IL16: variants seen among roughly 807,000 people sequenced by gnomAD.
The protein encoded by IL16 is interleukin 16.
Under a neutral mutation model 110.1 loss-of-function variants are expected in IL16, and 67 were observed. That is an observed-to-expected ratio of 0.61 (90% CI 0.50 to 0.75). The LOEUF (loss-of-function observed/expected upper bound fraction) is 0.75, where lower values mean the gene tolerates loss of function less well. Among genes scored for constraint, IL16 ranks in the 30% least tolerant of loss-of-function variants. The pLI, the probability that IL16 is intolerant of heterozygous loss-of-function variation, is 0.00. For missense variants in IL16, 1,545 were observed against 1,655.0 expected, an observed-to-expected ratio of 0.93 and a Z score of 1.15; for synonymous variants, 689 against 662.9, an observed-to-expected ratio of 1.04 and a Z score of -0.61.
intron 1 of IL16, among the ~76,000 whole-genome samples, chr15:81,204,556 C>T (rs1276137175): frequency 1.3e-5 from 2 of 152,006 alleles, no homozygotes; most frequent in Non-Finnish European, 2.9e-5. Context: ...TTCTCAAAGG[C>T]CTTTTCTGCA....
chr15:81,223,720 C>G lies in IL16; in HGVS notation c.-101-1579C>G, dbSNP rs547316987. 2.2e-4 allele frequency among the ~76,000 whole-genome samples: 34 copies of G among 152,336 alleles called. No individual in the cohort carries two copies. The South Asian group carries it at 5.8e-3, about 26-fold the overall frequency. On this transcript the variant is annotated intron_variant, in intron 1 of 18. Coordinates refer to ENST00000683961, the MANE Select transcript of IL16 (RefSeq NM_172217.5). Reference sequence around the variant, plus strand: ...ACAGACATTGTTGGAAATGTGTTATCAAGCTGATTACTGAAACAGTACTAC... The same window carrying G: ...ACAGACATTGTTGGAAATGTGTTATGAAGCTGATTACTGAAACAGTACTAC...
rs769634668 is a variant in IL16 at position 81,289,841 on chromosome 15, A to G, written c.1333-612A>G. ...TTTCCTGTACTTTTGATGTCAAATA[A>G]TTTATTTTTAAAAAACCTGTCCTCA... On this transcript the variant is annotated intron_variant, in intron 10 of 18. Transcript: ENST00000683961. 5.8e-5 allele frequency: 24 copies of G among 413,304 alleles called. 1 individual carries two copies. The highest frequency in any genetic ancestry group is 9.9e-5 in the Non-Finnish European group (21 of 211,956). The allele number at this position is 413,304 out of a possible 1,614,324, so 25.6% of individuals were successfully genotyped here. A position where few individuals can be genotyped will look rare whatever the true frequency, so the allele number is the denominator to read the frequency against.
chr15:81,287,213 A>G lies in IL16; in HGVS notation c.1332+1383A>G, dbSNP rs891964976. ...GAGGGAGGAACCGAAGATATCTCGA[A>G]TATTTTTAGATTGGAAGACTGAGCA... On this transcript the variant is annotated intron_variant, in intron 10 of 18. Coordinates refer to ENST00000683961, the MANE Select transcript of IL16 (RefSeq NM_172217.5). Among the ~76,000 whole-genome samples, 3 of 152,204 alleles carry G rather than the reference A, an allele frequency of 2.0e-5. No homozygotes were observed. In the South Asian group the frequency reaches 6.2e-4, roughly 31 times the overall value.
chr15:81,285,306 T>G (rs962512939), intron 9 of IL16, among the ~76,000 whole-genome samples: 1 of 152,220 alleles, frequency 6.6e-6, no homozygotes, highest in African/African-American at 2.4e-5. Context: ...AGTCTACTTA[T>G]GGGAACACAG....
intron 1 of IL16, among the ~76,000 whole-genome samples, chr15:81,183,065 A>G (rs8028155): frequency 0.065 from 9,420 of 145,110 alleles, 796 homozygotes; most frequent in African/African-American, 0.23. Context: ...GCACACGTGT[A>G]AGTGTGTGCA....
chr15:81,249,856 A>G (rs1414841473), intron 2 of IL16, among the ~76,000 whole-genome samples: 2 of 151,756 alleles, frequency 1.3e-5, no homozygotes, highest in African/African-American at 2.4e-5. Context: ...CCTCTCTTTT[A>G]TGTTTTCTTT....
rs961958015 is a variant in IL16, at chr15:81,263,538, G to A, written c.422-2121G>A. ...GTGGGCCGAAGTGGGCACAGAAATCGACCCCAGACCAGGGAGAGTTTTGGA... is the reference window on the plus strand; with the variant it reads ...GTGGGCCGAAGTGGGCACAGAAATCAACCCCAGACCAGGGAGAGTTTTGGA... On this transcript the variant is annotated intron_variant, in intron 3 of 18. Transcript: ENST00000683961. Among the ~76,000 whole-genome samples, 68 of 152,048 alleles carry A rather than the reference G, an allele frequency of 4.5e-4. 1 individual carries two copies. The highest frequency in any genetic ancestry group is 1.4e-3 in the African/African-American group (58 of 41,386).
intron 12 of IL16, 45 bp downstream of exon 12, chr15:81,293,082 C>A: frequency 6.5e-7 from 1 of 1,545,640 alleles, no homozygotes; most frequent in South Asian, 1.2e-5. Flanking sequence ...GGACCAGACT[C>A]AAATCTTGAG....
chr15:81,248,719 C>CTTTTTT (rs61480285), intron 2 of IL16, among the ~76,000 whole-genome samples: 41 of 112,216 alleles, frequency 3.7e-4, no homozygotes, highest in African/African-American at 6.5e-4. Flanking sequence ...TTCTTTCTTT[C>CTTTTTT]TTTTTTTTTT....
chr15:81,259,903 T>G, intron 3 of IL16, 23 bp downstream of exon 3: 1 of 1,419,192 alleles, frequency 7.0e-7, no homozygotes, highest in Non-Finnish European at 1.0e-6. Context: ...CCAACATGTC[T>G]TCAGGAACAG....
intron 2 of IL16, among the ~76,000 whole-genome samples, chr15:81,236,533 T>C (rs967990844): frequency 1.4e-4 from 22 of 152,226 alleles, no homozygotes. Context: ...TGATTTCTAG[T>C]TGCTGTTTTT....
At chr15:81,231,321 TCTG>T (rs1896966126) in intron 2 of IL16, among the ~76,000 whole-genome samples, 1 of 137,854 alleles carries the variant, frequency 7.3e-6, no homozygotes, top group African/African-American at 3.0e-5. Context: ...CCAAGGTCGG[TCTG>T]TCTCTCTCTC....
At chr15:81,223,132 G>T (rs12437819) in intron 1 of IL16, among the ~76,000 whole-genome samples, 20,971 of 152,102 alleles carry the variant, frequency 0.14, 1,895 homozygotes, top group East Asian at 0.37. Flanking sequence ...TAACCAAGCA[G>T]ATTTGGCCTC....
intron 2 of IL16, among the ~76,000 whole-genome samples, chr15:81,239,260 C>A (rs1000690330): frequency 2.0e-5 from 3 of 152,144 alleles, no homozygotes; most frequent in Non-Finnish European, 2.9e-5. Context: ...TAGTAGGCAG[C>A]CACTCTGTTT....
chr15:81,209,533 CT>C (rs955555864), intron 1 of IL16, among the ~76,000 whole-genome samples: 2 of 151,834 alleles, frequency 1.3e-5, no homozygotes, highest in East Asian at 1.9e-4. Context: ...CTCTCTTGTT[CT>C]TTTTTTTAAG....
intron 4 of IL16, among the ~76,000 whole-genome samples, chr15:81,268,792 A>G (rs1194142960): frequency 6.6e-6 from 1 of 152,218 alleles, no homozygotes; most frequent in Non-Finnish European, 1.5e-5. Context: ...CATTTTAAGC[A>G]CTCGCATAGA....
In IL16 at chr15:81,200,786, CA is replaced by C. The variant is rs1460673712; in HGVS notation, c.-102+3639del. ...CTGAAATATTCCTGATCTTCTCTTT[CA>C]AAAAGATGGCCTTCTTCCCATTATC... On this transcript the variant is annotated intron_variant, in intron 1 of 18. Transcript: ENST00000683961. Among the ~76,000 whole-genome samples the C allele has an allele frequency of 2.6e-5, 4 of 152,168 alleles. No homozygotes were observed. The East Asian group carries it at 7.7e-4, about 29-fold the overall frequency.
At chr15:81,189,396 T>C (rs568307551) in intron 1 of IL16, among the ~76,000 whole-genome samples, 44 of 152,282 alleles carry the variant, frequency 2.9e-4, no homozygotes, top group African/African-American at 9.6e-4. Context: ...AGTGCTGGGA[T>C]TACAAGCATG....
intron 1 of IL16, among the ~76,000 whole-genome samples, chr15:81,206,206 G>A (rs780199067): frequency 6.6e-6 from 1 of 151,854 alleles, no homozygotes. Flanking sequence ...AAATTTCATC[G>A]TCGTACAAAC....
Sources: allele counts gnomAD v4.1 joint callset (sites outside exome capture counted in the v4.1 genomes callset), GRCh38; gene constraint gnomAD v4.1.1; transcripts MANE v1.5; gene names NCBI Gene and HGNC (gene_info 2026-07-23, HGNC 2026-07-21).